Variants in ABLIM3 observed in about 807,000 individuals in gnomAD.
ABLIM3 encodes actin-binding LIM protein 3.
Under a neutral mutation model 109.5 loss-of-function variants are expected in ABLIM3, and 61 were observed. That is an observed-to-expected ratio of 0.56 (90% CI 0.45 to 0.69). ABLIM3 has a LOEUF of 0.69. Among genes scored for constraint, ABLIM3 ranks in the 30% least tolerant of loss-of-function variants. The probability of loss-of-function intolerance (pLI) is 0.00; values close to 1 mark genes in which losing one functional copy is unlikely to be tolerated. For missense variants in ABLIM3, 796 were observed against 889.5 expected, an observed-to-expected ratio of 0.89 and a Z score of 1.34; for synonymous variants, 300 against 324.8, an observed-to-expected ratio of 0.92 and a Z score of 0.82.
At chr5:149,187,583 A>G (rs541406051) in intron 3 of ABLIM3, among the ~76,000 whole-genome samples, 117 of 152,356 alleles carry the variant, frequency 7.7e-4, no homozygotes, top group Non-Finnish European at 1.3e-3. Context: ...ATTTCTTTTC[A>G]AAGAATTAAT....
At chr5:149,185,001 G>A (rs1200816100) in intron 3 of ABLIM3, among the ~76,000 whole-genome samples, 2 of 152,164 alleles carry the variant, frequency 1.3e-5, no homozygotes, top group Non-Finnish European at 2.9e-5. Flanking sequence ...ATCTTGGTGA[G>A]TGATTATTTT....
At chr5:149,164,699 A>G (rs1394958096) in intron 2 of ABLIM3, among the ~76,000 whole-genome samples, 3 of 152,150 alleles carry the variant, frequency 2.0e-5, no homozygotes, top group Non-Finnish European at 4.4e-5. Context: ...GCATGACATG[A>G]GATTTTTAAA....
rs60919581 is a variant in ABLIM3, at chr5:149,251,910, G to A, written c.1850-291G>A. Among the ~76,000 whole-genome samples, 218 of 152,308 alleles carry A rather than the reference G, an allele frequency of 1.4e-3. 1 individual carries two copies. The highest frequency in any genetic ancestry group is 4.8e-3 in the African/African-American group (198 of 41,562). ...AGAAGATAGAGGATCTTGTCCATGC[G>A]TTTCAGATCTCAGATTCTTCTAATT... is the stretch of plus-strand genomic sequence containing the variant. On this transcript the variant is annotated intron_variant, in intron 21 of 23. Coordinates refer to ENST00000309868, the MANE Select transcript of ABLIM3 (RefSeq NM_014945.5).
chr5:149,249,903 C>T, intron 19 of ABLIM3, 59 bp downstream of exon 19: 1 of 1,591,056 alleles, frequency 6.3e-7, no homozygotes, highest in Non-Finnish European at 8.6e-7. Flanking sequence ...AGAGCTGTGT[C>T]AGCTGCAGTT....
intron 8 of ABLIM3, among the ~76,000 whole-genome samples, chr5:149,222,164 A>G (rs1760713927): frequency 6.6e-6 from 1 of 150,860 alleles, no homozygotes; most frequent in African/African-American, 2.4e-5. Flanking sequence ...TTAATAATAT[A>G]ATTATTATTT....
chr5:149,174,371 G>A (rs1755734913), intron 2 of ABLIM3: 1 of 152,134 alleles, frequency 6.6e-6, no homozygotes, highest in South Asian at 2.1e-4. Flanking sequence ...CGGGTTCACA[G>A]TTAAGATTCC....
rs141918729 is a variant in ABLIM3 at position 149,149,025 on chromosome 5, T to C, written c.13+6917T>C. Among the ~76,000 whole-genome samples the C allele has an allele frequency of 1.4e-3, 215 of 152,350 alleles. 1 individual carries two copies. The highest frequency in any genetic ancestry group is 5.1e-3 in the African/African-American group (210 of 41,574). On this transcript the variant is annotated intron_variant, in intron 2 of 23. Coordinates refer to ENST00000309868, the MANE Select transcript of ABLIM3 (RefSeq NM_014945.5). The stretch of plus-strand genomic sequence containing the variant: ...CCTTTGTTGGTCTTTACCATGGATT[T>C]GTATGCTAACAAATTACTTTTTTAG...
At chr5:149,160,234 C>T (rs1205726984) in intron 2 of ABLIM3, among the ~76,000 whole-genome samples, 2 of 151,980 alleles carry the variant, frequency 1.3e-5, no homozygotes, top group Non-Finnish European at 2.9e-5. Flanking sequence ...GTGGGTGGAT[C>T]GCTTGAGGTC....
chr5:149,167,511 G>T (rs1754937077), intron 2 of ABLIM3, among the ~76,000 whole-genome samples: 1 of 152,142 alleles, frequency 6.6e-6, no homozygotes, highest in African/African-American at 2.4e-5. Flanking sequence ...TTCTCATCTT[G>T]TGGTATAGAT....
intron 8 of ABLIM3, among the ~76,000 whole-genome samples, chr5:149,223,035 T>C (rs1179627947): frequency 6.6e-6 from 1 of 152,224 alleles, no homozygotes; most frequent in African/African-American, 2.4e-5. Flanking sequence ...ATTCTGTTAC[T>C]GTACTAAATT....
chr5:149,207,170 C>T (rs1274491729), intron 6 of ABLIM3, 36 bp downstream of exon 6: 1 of 1,603,504 alleles, frequency 6.2e-7, no homozygotes, highest in Non-Finnish European at 8.5e-7. Flanking sequence ...CTGCCTGGGC[C>T]TCTGCATTCT....
intron 11 of ABLIM3, 98 bp downstream of exon 11, chr5:149,237,701 T>A (rs1310987798): frequency 6.7e-7 from 1 of 1,497,440 alleles, no homozygotes; most frequent in African/African-American, 1.4e-5. Flanking sequence ...GCCTCCACAA[T>A]GCTGGCTCCC....
chr5:149,240,595 A>G, intron 13 of ABLIM3, 81 bp from the exon 14 acceptor site: 2 of 1,131,506 alleles, frequency 1.8e-6, no homozygotes, highest in South Asian at 1.2e-5. Context: ...TCACCTCACC[A>G]CTTCCTAAAC....
At chr5:149,156,774 G>C (rs1256202639) in intron 2 of ABLIM3, among the ~76,000 whole-genome samples, 1 of 152,202 alleles carries the variant, frequency 6.6e-6, no homozygotes, top group Non-Finnish European at 1.5e-5. Flanking sequence ...TTCCTGTAAA[G>C]GGATTTGCAA....
At chr5:149,185,169 T>A (rs1756840918) in intron 3 of ABLIM3, among the ~76,000 whole-genome samples, 1 of 152,218 alleles carries the variant, frequency 6.6e-6, no homozygotes, top group Non-Finnish European at 1.5e-5. Context: ...GTTTATTTAG[T>A]TCATGATTCT....
chr5:149,142,838 G>A (rs1214285330), intron 2 of ABLIM3, among the ~76,000 whole-genome samples: 1 of 152,204 alleles, frequency 6.6e-6, no homozygotes, highest in African/African-American at 2.4e-5. Flanking sequence ...AGAAGGCACA[G>A]TCTGTTTCTC....
chr5:149,225,982 GTATATATATATATATATATA>G (rs58844908), intron 8 of ABLIM3, among the ~76,000 whole-genome samples: 17 of 45,522 alleles, frequency 3.7e-4, no homozygotes, highest in East Asian at 1.8e-3. Context: ...GTGTGTGTGT[GTATATATATATATATATATA>G]TATATATATA....
intron 10 of ABLIM3, among the ~76,000 whole-genome samples, chr5:149,235,940 G>C (rs1331479095): frequency 6.6e-6 from 1 of 152,216 alleles, no homozygotes; most frequent in Non-Finnish European, 1.5e-5. Flanking sequence ...GATGAGGGAA[G>C]GGAACAGCAT....
intron 8 of ABLIM3, among the ~76,000 whole-genome samples, chr5:149,227,735 A>T (rs1761460401): frequency 6.6e-6 from 1 of 152,092 alleles, no homozygotes; most frequent in South Asian, 2.1e-4. Context: ...ATGTTTGTAG[A>T]CTCAGTCTGG....
Sources: allele counts gnomAD v4.1 joint callset (sites outside exome capture counted in the v4.1 genomes callset), GRCh38; gene constraint gnomAD v4.1.1; transcripts MANE v1.5; gene names NCBI Gene and HGNC (gene_info 2026-07-23, HGNC 2026-07-21).